The following MYT1L variants were observed in gnomAD, a reference collection of about 807,000 sequenced individuals.
The protein encoded by MYT1L is myelin transcription factor 1 like.
MYT1L carries 12 observed loss-of-function variants against 126.7 expected under a neutral mutation model. The observed-to-expected ratio is 0.09, with a 90% confidence interval of 0.06 to 0.15. The LOEUF is 0.15. MYT1L is among the 10% of genes least tolerant of loss of function. The pLI is 1.00. For synonymous variants in MYT1L, 541 were observed against 604.2 expected (o/e 0.90, Z 1.53); for missense variants, 979 against 1,585.2 (o/e 0.62, Z 6.49).
At chr2:2,135,220 A>T (rs2082894971) in intron 3 of MYT1L, among the ~76,000 whole-genome samples, 1 of 152,282 alleles carries the variant, frequency 6.6e-6, no homozygotes, top group Admixed American at 6.5e-5. Context: ...AGGGTAATTG[A>T]ATCATGGAGG....
At chr2:2,100,581 G>T (rs1278863613) in intron 3 of MYT1L, among the ~76,000 whole-genome samples, 1 of 152,102 alleles carries the variant, frequency 6.6e-6, no homozygotes, top group African/African-American at 2.4e-5. Context: ...ATGGACACTG[G>T]TCTCCACAGA....
chr2:2,226,703 G>A (rs1025793099), intron 2 of MYT1L, among the ~76,000 whole-genome samples: 22 of 152,022 alleles, frequency 1.4e-4, no homozygotes, highest in Admixed American at 5.9e-4. Flanking sequence ...CTGCGTTCTC[G>A]GACCTGCCCT....
intron 3 of MYT1L, among the ~76,000 whole-genome samples, chr2:2,086,578 G>A (rs2076370847): frequency 1.3e-5 from 2 of 152,082 alleles, no homozygotes; most frequent in South Asian, 4.1e-4. Context: ...GAATCACTCT[G>A]CAATCCTGAC....
intron 3 of MYT1L, among the ~76,000 whole-genome samples, chr2:2,076,390 A>T (rs1276916771): frequency 6.6e-6 from 1 of 152,216 alleles, no homozygotes; most frequent in Non-Finnish European, 1.5e-5. Context: ...TCCCCTTGGC[A>T]GATGGTAGAA....
chr2:1,942,142 A>G (rs1229528672), intron 9 of MYT1L, among the ~76,000 whole-genome samples: 2 of 152,212 alleles, frequency 1.3e-5, no homozygotes, highest in African/African-American at 4.8e-5. Context: ...AAGCCAATAA[A>G]GATGATAGCT....
intron 3 of MYT1L, among the ~76,000 whole-genome samples, chr2:2,056,107 T>C (rs1243135461): frequency 6.6e-6 from 1 of 152,196 alleles, no homozygotes; most frequent in Non-Finnish European, 1.5e-5. Flanking sequence ...AAGGTTTTAT[T>C]TGGAGCGTGC....
chr2:2,003,990 C>CGTTCTTTCCTGCATGA (rs2062729397), intron 4 of MYT1L, among the ~76,000 whole-genome samples: 1 of 150,280 alleles, frequency 6.7e-6, no homozygotes, highest in Admixed American at 6.6e-5. Context: ...TTCCTGCAAG[C>CGTTCTTTCCTGCATGA]GTTCTTTCCT....
intron 2 of MYT1L, among the ~76,000 whole-genome samples, chr2:2,238,581 G>A (rs542130146): frequency 2.6e-5 from 4 of 152,304 alleles, no homozygotes; most frequent in South Asian, 4.1e-4. Flanking sequence ...TGGGGAACAG[G>A]GAACGCTAAG....
At chr2:1,840,607 T>A (rs1390151681) in intron 20 of MYT1L, among the ~76,000 whole-genome samples, 153 bp downstream of exon 20, 1 of 152,194 alleles carries the variant, frequency 6.6e-6, no homozygotes, top group Non-Finnish European at 1.5e-5. Flanking sequence ...GGTTTGGGTC[T>A]AAGTTATCTG....
intron 4 of MYT1L, among the ~76,000 whole-genome samples, chr2:2,026,442 G>C (rs1203755655): frequency 1.3e-5 from 2 of 152,164 alleles, no homozygotes; most frequent in Non-Finnish European, 2.9e-5. Flanking sequence ...AGCAGGGGTG[G>C]CCCGGGCCGA....
At chr2:2,034,227 C>T (rs557430545) in intron 4 of MYT1L, among the ~76,000 whole-genome samples, 3 of 152,148 alleles carry the variant, frequency 2.0e-5, no homozygotes, top group Non-Finnish European at 2.9e-5. Context: ...CCAGCCGACT[C>T]GGCATCTCTA....
chr2:2,263,040 G>T (rs532849233), intron 2 of MYT1L, among the ~76,000 whole-genome samples: 4 of 144,680 alleles, frequency 2.8e-5, no homozygotes, highest in African/African-American at 7.7e-5. Context: ...CAAAAGGCAG[G>T]GCAAAAAACA....
In MYT1L at chr2:1,840,782, T is replaced by C; in HGVS notation, c.2836A>G (p.Lys946Glu). ...GIRIAQSKED[K>E]EDQEPIRCPV... ...TACCTGATGGGTTCTTGATCTTCTT[T>C]ATCTTCTTTGCTCTGTGCTATCCTG... The change falls in exon 20 of 25, where the codon AAA (lysine) becomes GAA (glutamate). Residue 946 changes from lysine to glutamate, a missense_variant. By Grantham distance (56) the Lys-to-Glu change is moderately conservative. Transcript: ENST00000647738. 6.4e-7 allele frequency: 1 copy of C among 1,551,104 alleles called. No individual in the cohort carries two copies. Among genetic ancestry groups the C allele is most frequent in the Non-Finnish European group, 8.7e-7 (1 of 1,146,980 alleles).
chr2:1,975,517 T>C (rs2060101533), intron 8 of MYT1L, among the ~76,000 whole-genome samples: 1 of 152,064 alleles, frequency 6.6e-6, no homozygotes, highest in South Asian at 2.1e-4. Context: ...TCACTTGAAG[T>C]TAGGAGTTCG....
intron 3 of MYT1L, among the ~76,000 whole-genome samples, chr2:2,109,865 A>G (rs980878491): frequency 3.1e-5 from 4 of 128,104 alleles, no homozygotes; most frequent in African/African-American, 8.8e-5. Context: ...GATTCACAAA[A>G]GTGCTGATTT....
intron 2 of MYT1L, among the ~76,000 whole-genome samples, chr2:2,281,373 CTT>C (rs2095444173): frequency 6.6e-6 from 1 of 152,204 alleles, no homozygotes; most frequent in African/African-American, 2.4e-5. Context: ...CGTGGCATGA[CTT>C]TTCATGTCAT....
intron 4 of MYT1L, among the ~76,000 whole-genome samples, chr2:2,047,236 AC>A (rs2068294782): frequency 6.6e-6 from 1 of 152,230 alleles, no homozygotes; most frequent in Non-Finnish European, 1.5e-5. Flanking sequence ...TTAATGTCTT[AC>A]ATGGACCTAA....
intron 3 of MYT1L, among the ~76,000 whole-genome samples, chr2:2,159,233 T>C (rs116519436): frequency 2.8e-3 from 426 of 152,240 alleles, no homozygotes; most frequent in African/African-American, 9.7e-3. Context: ...GGAGGCAGCA[T>C]ACTAGGCAAT....
At chr2:2,308,026 C>T (rs951596499) in intron 1 of MYT1L, among the ~76,000 whole-genome samples, 1 of 151,868 alleles carries the variant, frequency 6.6e-6, no homozygotes, top group Admixed American at 6.6e-5. Context: ...TACCTATGCT[C>T]CACCTATGCC....
Sources: allele counts gnomAD v4.1 joint callset (sites outside exome capture counted in the v4.1 genomes callset), GRCh38; gene constraint gnomAD v4.1.1; transcripts MANE v1.5; gene names NCBI Gene and HGNC (gene_info 2026-07-23, HGNC 2026-07-21).